Variants in GRB14 observed in about 807,000 individuals in gnomAD.
GRB14 encodes growth factor receptor bound protein 14.
In GRB14, 38 loss-of-function variants were observed where a neutral mutation model predicts 69.1. The ratio of observed to expected loss-of-function variants is 0.55; its 90% CI spans 0.42 to 0.72. GRB14 has a LOEUF of 0.72. GRB14 is among the 30% of genes least tolerant of loss of function. GRB14 has a pLI of 0.00. For missense variants in GRB14, 666 were observed against 666.1 expected (o/e 1.00, Z 0.00); for synonymous variants, 247 against 241.3 (o/e 1.02, Z -0.22).
chr2:164,556,357 G>A (rs777270629), intron 2 of GRB14, among the ~76,000 whole-genome samples: 11 of 152,126 alleles, frequency 7.2e-5, no homozygotes, highest in Non-Finnish European at 1.6e-4. Flanking sequence ...CTCCACTTGC[G>A]AGGGATAGTC....
chr2:164,619,888 A>C (rs1690404730), intron 1 of GRB14, 69 bp from the exon 2 acceptor site: 34 of 1,361,944 alleles, frequency 2.5e-5, no homozygotes, highest in Non-Finnish European at 3.3e-5. Flanking sequence ...TGTCAGGAAT[A>C]AAAAGTGTGC....
chr2:164,535,585 G>A (rs1688059969), intron 3 of GRB14, among the ~76,000 whole-genome samples: 1 of 152,198 alleles, frequency 6.6e-6, no homozygotes, highest in Non-Finnish European at 1.5e-5. Context: ...AACTCCAGGA[G>A]ACAAATGGTC....
At chr2:164,610,018 G>A (rs1690130177) in intron 2 of GRB14, among the ~76,000 whole-genome samples, 1 of 152,170 alleles carries the variant, frequency 6.6e-6, no homozygotes, top group South Asian at 2.1e-4. Flanking sequence ...TGCCCTGGAT[G>A]TTTACACGCC....
At chr2:164,541,087 G>T (rs188895206) in intron 3 of GRB14, among the ~76,000 whole-genome samples, 6 of 152,148 alleles carry the variant, frequency 3.9e-5, no homozygotes, top group Non-Finnish European at 7.4e-5. Flanking sequence ...TAGTTATCTC[G>T]GTCTTGAAAT....
At chr2:164,546,005 C>T (rs1177050733) in intron 3 of GRB14, among the ~76,000 whole-genome samples, 2 of 152,130 alleles carry the variant, frequency 1.3e-5, no homozygotes, top group Admixed American at 6.5e-5. Context: ...TCTACACTAC[C>T]ATAAAGAGAA....
chr2:164,515,876 A>C (rs995568198), intron 6 of GRB14, among the ~76,000 whole-genome samples: 1 of 151,992 alleles, frequency 6.6e-6, no homozygotes, highest in Non-Finnish European at 1.5e-5. Context: ...TGAATAAAAA[A>C]CAATTACAAC....
rs1686783352 is a variant in GRB14, at chr2:164,492,510, T to C, written c.*526A>G. Among the ~76,000 whole-genome samples, 2 of 151,988 alleles carry C rather than the reference T, an allele frequency of 1.3e-5. No individual in the cohort carries two copies. The highest frequency in any genetic ancestry group is 1.3e-4 in the Admixed American group (2 of 15,234). On this transcript the variant is annotated 3_prime_UTR_variant, in exon 14 of 14. Coordinates refer to ENST00000263915, the MANE Select transcript of GRB14 (RefSeq NM_004490.3). ...GGTTTAAAGCTACTATCTCAAAATA[T>C]GATTTCATTTTAAGATGATCATAAA...
rs78057431 is a variant in GRB14, at chr2:164,564,027, T to G, written c.325-16211A>C. 1.6e-3 allele frequency among the ~76,000 whole-genome samples: 241 copies of G among 152,052 alleles called. 7 individuals are homozygous for G. In the East Asian group the frequency reaches 0.039, roughly 24 times the overall value. On this transcript the variant is annotated intron_variant, in intron 2 of 13. Coordinates refer to ENST00000263915, the MANE Select transcript of GRB14 (RefSeq NM_004490.3). The stretch of plus-strand genomic sequence containing the variant: ...TGTAGTGGTTGAATTGACAAATGAG[T>G]AATAAAGGTGGGTCCACTGATACTA...
intron 2 of GRB14, among the ~76,000 whole-genome samples, chr2:164,614,243 G>C (rs1470898361): frequency 6.6e-6 from 1 of 152,174 alleles, no homozygotes; most frequent in African/African-American, 2.4e-5. Context: ...AACCCTAATA[G>C]GAGAGAGTAT....
chr2:164,589,124 A>C (rs1689601500), intron 2 of GRB14, among the ~76,000 whole-genome samples: 1 of 152,206 alleles, frequency 6.6e-6, no homozygotes, highest in Non-Finnish European at 1.5e-5. Flanking sequence ...GTCAATGTGT[A>C]CATTTACAGA....
intron 12 of GRB14, among the ~76,000 whole-genome samples, chr2:164,496,305 G>C (rs1027266229): frequency 6.6e-6 from 1 of 152,084 alleles, no homozygotes; most frequent in African/African-American, 2.4e-5. Context: ...TACTGCATTT[G>C]GAAAGGGAAT....
At chr2:164,539,338 G>C (rs1037363800) in intron 3 of GRB14, among the ~76,000 whole-genome samples, 2 of 151,940 alleles carry the variant, frequency 1.3e-5, no homozygotes, top group African/African-American at 4.8e-5. Flanking sequence ...AGCCAGGCGT[G>C]ATGGTGCACG....
chr2:164,541,424 A>G (rs886708104), intron 3 of GRB14, among the ~76,000 whole-genome samples: 22 of 151,990 alleles, frequency 1.4e-4, no homozygotes, highest in African/African-American at 5.3e-4. Flanking sequence ...GTGAGCCAAG[A>G]TTGCGCCATT....
chr2:164,589,363 T>C (rs1284868509), intron 2 of GRB14, among the ~76,000 whole-genome samples: 1 of 152,164 alleles, frequency 6.6e-6, no homozygotes, highest in Non-Finnish European at 1.5e-5. Flanking sequence ...TCTTAGTCCA[T>C]ATATGTTGTT....
At chr2:164,598,354 G>C (rs1197853153) in intron 2 of GRB14, among the ~76,000 whole-genome samples, 2 of 152,134 alleles carry the variant, frequency 1.3e-5, no homozygotes, top group African/African-American at 2.4e-5. Flanking sequence ...TGCATTCCAA[G>C]CTCCCAAATT....
At chr2:164,607,909 T>C (rs1056312684) in intron 2 of GRB14, among the ~76,000 whole-genome samples, 2 of 152,232 alleles carry the variant, frequency 1.3e-5, no homozygotes, top group African/African-American at 4.8e-5. Flanking sequence ...TTTTGTCTTA[T>C]AATGTGTCTT....
intron 2 of GRB14, chr2:164,573,744 C>T (rs1689175411): frequency 1.9e-6 from 3 of 1,606,576 alleles, no homozygotes; most frequent in South Asian, 2.2e-5. Flanking sequence ...AATATTCATG[C>T]CCGTCTCTTC....
intron 3 of GRB14, among the ~76,000 whole-genome samples, chr2:164,538,968 TG>T (rs747536981): frequency 6.6e-6 from 1 of 152,050 alleles, no homozygotes; most frequent in Non-Finnish European, 1.5e-5. Context: ...CTGAGAGAGA[TG>T]TAGAGTGAGA....
Position 164,502,424 on chromosome 2 carries a change from TA to T in GRB14, c.1024-90del, listed in dbSNP as rs1687080369. 1.1e-5 allele frequency: 9 copies of T among 782,640 alleles called. No homozygotes were observed. The South Asian group carries it at 1.6e-4, about 14-fold the overall frequency. 48.5% of individuals were successfully genotyped at this position (782,640 alleles called of 1,614,324 possible). On this transcript the variant is annotated intron_variant, in intron 8 of 13. Coordinates refer to ENST00000263915, the MANE Select transcript of GRB14 (RefSeq NM_004490.3). The stretch of plus-strand genomic sequence containing the variant: ...CAACACTTTCATCAATTATACAATA[TA>T]AATATAAAAACAATTAAAGCAAACA...
Sources: allele counts gnomAD v4.1 joint callset (sites outside exome capture counted in the v4.1 genomes callset), GRCh38; gene constraint gnomAD v4.1.1; transcripts MANE v1.5; gene names NCBI Gene and HGNC (gene_info 2026-07-23, HGNC 2026-07-21).